The following MGMT variants were observed in gnomAD, a reference collection of about 807,000 sequenced individuals.
The protein encoded by MGMT is methylated-DNA--protein-cysteine methyltransferase.
Under a neutral mutation model 15.9 loss-of-function variants are expected in MGMT, and 14 were observed. The observed-to-expected ratio is 0.88, with a 90% CI of 0.58 to 1.37. The LOEUF (loss-of-function observed/expected upper bound fraction) is 1.37, where lower values mean the gene tolerates loss of function less well. Ranked by LOEUF, MGMT falls within the 40% of genes most tolerant of loss-of-function variation. The pLI, the probability that MGMT is intolerant of heterozygous loss-of-function variation, is 0.00. For missense variants in MGMT, 282 were observed against 268.1 expected (o/e 1.05, Z -0.36); for synonymous variants, 130 against 118.2 (o/e 1.10, Z -0.65).
intron 2 of MGMT, among the ~76,000 whole-genome samples, chr10:129,541,633 G>A (rs1846043467): frequency 6.6e-6 from 1 of 151,832 alleles, no homozygotes; most frequent in Non-Finnish European, 1.5e-5. Flanking sequence ...GGGAGCTAAG[G>A]GGGCTCATCT....
intron 2 of MGMT, among the ~76,000 whole-genome samples, chr10:129,686,086 A>G (rs1358552733): frequency 6.6e-6 from 1 of 152,228 alleles, no homozygotes; most frequent in African/African-American, 2.4e-5. Context: ...CTTTGGCTTC[A>G]GAAGTTTATT....
intron 2 of MGMT, among the ~76,000 whole-genome samples, chr10:129,685,343 G>A (rs1589935497): frequency 6.6e-6 from 1 of 152,222 alleles, no homozygotes; most frequent in African/African-American, 2.4e-5. Context: ...GGCCTGGGCA[G>A]CTGTCCTGGC....
In MGMT at chr10:129,550,060, T is replaced by C. The variant is rs1028472176; in HGVS notation, c.125+13683T>C. On this transcript the variant is annotated intron_variant, in intron 2 of 4. Transcript: ENST00000651593. Reference sequence around the variant, plus strand: ...GAAGGAGAAATCCCTTCTGCCTGTATAATAAATGTTGTTTTGACCCAACTA... The same window carrying C: ...GAAGGAGAAATCCCTTCTGCCTGTACAATAAATGTTGTTTTGACCCAACTA... Among the ~76,000 whole-genome samples, 7 of 152,188 alleles carry C rather than the reference T, an allele frequency of 4.6e-5. No homozygotes were observed. The East Asian group carries it at 1.3e-3, about 29-fold the overall frequency.
chr10:129,493,079 T>A (rs546849941), intron 1 of MGMT, among the ~76,000 whole-genome samples: 8 of 152,226 alleles, frequency 5.3e-5, no homozygotes, highest in Admixed American at 1.3e-4. Context: ...ACTCTTACGA[T>A]GACACGGGAC....
intron 2 of MGMT, among the ~76,000 whole-genome samples, chr10:129,622,282 A>C (rs1847099387): frequency 6.6e-6 from 1 of 152,192 alleles, no homozygotes; most frequent in Non-Finnish European, 1.5e-5. Flanking sequence ...TCTTCGCATC[A>C]GTTTTTAGCC....
At chr10:129,469,507 C>A (rs1845206646) in intron 1 of MGMT, among the ~76,000 whole-genome samples, 1 of 152,190 alleles carries the variant, frequency 6.6e-6, no homozygotes, top group Admixed American at 6.5e-5. Context: ...ATGTCCAGAT[C>A]CACTTGCCCT....
intron 1 of MGMT, among the ~76,000 whole-genome samples, chr10:129,524,792 G>T (rs1007938818): frequency 6.6e-6 from 1 of 151,644 alleles, no homozygotes; most frequent in Non-Finnish European, 1.5e-5. Context: ...GGGTTTCACC[G>T]TGTTAGCCAG....
chr10:129,588,022 G>C (rs1264783391), intron 2 of MGMT, among the ~76,000 whole-genome samples: 1 of 152,086 alleles, frequency 6.6e-6, no homozygotes, highest in Non-Finnish European at 1.5e-5. Context: ...GAATCTTTTG[G>C]ATCATGCTTT....
At chr10:129,706,042 G>A (rs576501070) in intron 2 of MGMT, among the ~76,000 whole-genome samples, 309 of 152,318 alleles carry the variant, frequency 2.0e-3, no homozygotes, top group Non-Finnish European at 3.0e-3. Context: ...GCAGCCCTGC[G>A]TCAGGGCAGC....
chr10:129,575,312 A>G (rs1377775434), intron 2 of MGMT, among the ~76,000 whole-genome samples: 1 of 152,236 alleles, frequency 6.6e-6, no homozygotes, highest in Non-Finnish European at 1.5e-5. Flanking sequence ...AATGTAAAAG[A>G]ACAGAAATTG....
intron 2 of MGMT, among the ~76,000 whole-genome samples, chr10:129,693,420 C>T (rs1176943077): frequency 1.3e-5 from 2 of 152,114 alleles, no homozygotes; most frequent in Non-Finnish European, 2.9e-5. Context: ...TTCAAAAGAT[C>T]CCCAAGTTAC....
chr10:129,547,617 T>G (rs1254934380), intron 2 of MGMT, among the ~76,000 whole-genome samples: 1 of 152,226 alleles, frequency 6.6e-6, no homozygotes, highest in Non-Finnish European at 1.5e-5. Flanking sequence ...GTGATTGTTC[T>G]TGATGGAATC....
intron 3 of MGMT, among the ~76,000 whole-genome samples, chr10:129,724,809 A>G (rs970399843): frequency 6.6e-6 from 1 of 152,198 alleles, no homozygotes; most frequent in Non-Finnish European, 1.5e-5. Flanking sequence ...TTTTCATAAT[A>G]TGTTGGAGGA....
intron 2 of MGMT, among the ~76,000 whole-genome samples, chr10:129,585,353 A>G (rs1014467287): frequency 6.6e-5 from 10 of 152,212 alleles, no homozygotes; most frequent in African/African-American, 2.4e-4. Flanking sequence ...GATGTAAATG[A>G]CATACAGAGT....
At chr10:129,605,885 A>AT (rs570779181) in intron 2 of MGMT, among the ~76,000 whole-genome samples, 6,276 of 147,438 alleles carry the variant, frequency 0.043, 313 homozygotes, top group African/African-American at 0.12. Context: ...AAGAACGGTG[A>AT]TTTTTTTTTT....
At chr10:129,765,856 G>C (rs2133190317) in intron 4 of MGMT, among the ~76,000 whole-genome samples, 1 of 152,278 alleles carries the variant, frequency 6.6e-6, no homozygotes, top group Middle Eastern at 3.4e-3. Flanking sequence ...ATGGAAACCA[G>C]AGGCAGGGGC....
chr10:129,535,505 G>T (rs146858740), intron 1 of MGMT, among the ~76,000 whole-genome samples: 88 of 152,334 alleles, frequency 5.8e-4, no homozygotes, highest in African/African-American at 2.0e-3. Flanking sequence ...CTACAGGTGT[G>T]TGCTATCATA....
chr10:129,625,810 G>A (rs1847141639), intron 2 of MGMT, among the ~76,000 whole-genome samples: 1 of 152,166 alleles, frequency 6.6e-6, no homozygotes, highest in African/African-American at 2.4e-5. Context: ...TTCCAGTACT[G>A]ATCAGGGTTG....
chr10:129,660,760 A>G (rs2133105295), intron 2 of MGMT, among the ~76,000 whole-genome samples: 1 of 143,316 alleles, frequency 7.0e-6, no homozygotes, highest in African/African-American at 2.7e-5. Flanking sequence ...ACAAAGAGGA[A>G]GATCCCCCAC....
Sources: gnomAD v4.1 joint callset for allele counts (sites outside exome capture counted in the v4.1 genomes callset) on GRCh38, gnomAD v4.1.1 for gene constraint, MANE v1.5 for transcripts, NCBI Gene and HGNC (gene_info 2026-07-23, HGNC 2026-07-21) for gene names.